The following PRKN variants were observed in gnomAD, a reference collection of about 807,000 sequenced individuals.
PRKN encodes the protein E3 ubiquitin-protein ligase parkin.
In PRKN, 56 loss-of-function variants were observed where a neutral mutation model predicts 59.5. The ratio of observed to expected loss-of-function variants is 0.94; its 90% CI spans 0.76 to 1.18. The LOEUF is 1.18. Among genes scored for constraint, PRKN ranks in the 50% most tolerant of loss-of-function variants. The pLI is 0.00. For synonymous variants in PRKN, 250 were observed against 222.1 expected (o/e 1.13, Z -1.12); for missense variants, 657 against 596.4 (o/e 1.10, Z -1.06).
chr6:162,675,891 A>C (rs1231556200), intron 1 of PRKN, among the ~76,000 whole-genome samples: 1 of 152,210 alleles, frequency 6.6e-6, no homozygotes, highest in Non-Finnish European at 1.5e-5. Flanking sequence ...AAATTCAATA[A>C]TGGAATACTG....
chr6:162,700,970 T>A (rs1253306782), intron 1 of PRKN, among the ~76,000 whole-genome samples: 1 of 152,076 alleles, frequency 6.6e-6, no homozygotes, highest in Non-Finnish European at 1.5e-5. Context: ...ATGTCTTGCC[T>A]CCCCAGATAA....
At chr6:162,346,136 G>A (rs1040546928) in intron 2 of PRKN, among the ~76,000 whole-genome samples, 2 of 152,096 alleles carry the variant, frequency 1.3e-5, no homozygotes, top group Non-Finnish European at 2.9e-5. Flanking sequence ...AAATTACCCA[G>A]GCTGTGGTAT....
intron 5 of PRKN, among the ~76,000 whole-genome samples, chr6:161,988,013 T>C (rs1781497486): frequency 6.6e-6 from 1 of 152,064 alleles, no homozygotes; most frequent in Admixed American, 6.5e-5. Flanking sequence ...GGCTTATCAT[T>C]ATAGAACAAT....
At chr6:162,137,828 G>A (rs923962321) in intron 4 of PRKN, among the ~76,000 whole-genome samples, 2 of 152,140 alleles carry the variant, frequency 1.3e-5, no homozygotes, top group Non-Finnish European at 2.9e-5. Context: ...TCTTCACACT[G>A]TTACAATGGC....
intron 6 of PRKN, among the ~76,000 whole-genome samples, chr6:161,821,719 C>CTTTTTTTTTTT (rs531807176): frequency 5.6e-4 from 36 of 64,704 alleles, no homozygotes; most frequent in Non-Finnish European, 7.1e-4. Flanking sequence ...CACTGGTGTT[C>CTTTTTTTTTTT]TTTTTTTTTT....
intron 6 of PRKN, among the ~76,000 whole-genome samples, chr6:161,917,606 C>G (rs1035376980): frequency 6.6e-6 from 1 of 152,136 alleles, no homozygotes; most frequent in Admixed American, 6.5e-5. Context: ...GTGAATAGAT[C>G]TTTAGACCTC....
At chr6:161,902,556 A>ATCTATTTTTTTTTTTTTTTTTTTTTTTT (rs1382089937) in intron 6 of PRKN, among the ~76,000 whole-genome samples, 4 of 118,202 alleles carry the variant, frequency 3.4e-5, no homozygotes, top group African/African-American at 7.0e-5. Flanking sequence ...CTATTTATTT[A>ATCTATTTTTTTTTTTTTTTTTTTTTTTT]TTTATTTATT....
chr6:162,480,227 G>A (rs1337844137), intron 1 of PRKN, among the ~76,000 whole-genome samples: 1 of 152,130 alleles, frequency 6.6e-6, no homozygotes, highest in Non-Finnish European at 1.5e-5. Context: ...CCACGCACAC[G>A]AGGAACGCAT....
At chr6:161,875,179 A>ATG (rs35912782) in intron 6 of PRKN, among the ~76,000 whole-genome samples, 6,414 of 137,126 alleles carry the variant, frequency 0.047, 279 homozygotes, top group African/African-American at 0.11. Context: ...TATAAAATAT[A>ATG]TGTGTGTGTG....
chr6:162,086,971 T>C (rs1365528911), intron 4 of PRKN, among the ~76,000 whole-genome samples: 2 of 152,182 alleles, frequency 1.3e-5, no homozygotes, highest in South Asian at 2.1e-4. Context: ...AATACAAATA[T>C]GAAAATACAA....
At chr6:161,807,489 T>C (rs1791383674) in intron 6 of PRKN, among the ~76,000 whole-genome samples, 1 of 152,012 alleles carries the variant, frequency 6.6e-6, no homozygotes, top group Non-Finnish European at 1.5e-5. Context: ...ACCAGGCAAC[T>C]AAAAAAACAC....
At chr6:161,612,968 C>T (rs558377309) in intron 7 of PRKN, among the ~76,000 whole-genome samples, 1 of 152,254 alleles carries the variant, frequency 6.6e-6, no homozygotes, top group African/African-American at 2.4e-5. Context: ...GTTTTCATGC[C>T]TGCTAACACA....
At chr6:161,863,666 C>T (rs1224461222) in intron 6 of PRKN, among the ~76,000 whole-genome samples, 3 of 152,128 alleles carry the variant, frequency 2.0e-5, no homozygotes, top group Admixed American at 6.5e-5. Flanking sequence ...AAAATCTCTA[C>T]ACTTCCCGCC....
intron 1 of PRKN, among the ~76,000 whole-genome samples, chr6:162,571,876 A>T (rs189634587): frequency 3.8e-4 from 58 of 152,296 alleles, no homozygotes; most frequent in African/African-American, 1.3e-3. Context: ...TTAAACCACA[A>T]ATGTGAGACT....
intron 1 of PRKN, among the ~76,000 whole-genome samples, chr6:162,677,063 C>CAAA (rs536705591): frequency 4.8e-4 from 43 of 90,300 alleles, no homozygotes; most frequent in African/African-American, 1.7e-3. Context: ...ACATCTCAAT[C>CAAA]AAAAAAAAAA....
chr6:162,498,961 AT>A (rs1403348567), intron 1 of PRKN, among the ~76,000 whole-genome samples: 1 of 152,144 alleles, frequency 6.6e-6, no homozygotes. Flanking sequence ...TCATCCATTT[AT>A]TAAACAAATA....
chr6:162,140,415 G>A (rs1387033893), intron 4 of PRKN, among the ~76,000 whole-genome samples: 1 of 152,186 alleles, frequency 6.6e-6, no homozygotes, highest in East Asian at 1.9e-4. Context: ...TTTGGCTGCA[G>A]AGGTATGCAG....
At chr6:161,746,964 A>G (rs968041315) in intron 7 of PRKN, among the ~76,000 whole-genome samples, 1 of 151,928 alleles carries the variant, frequency 6.6e-6, no homozygotes, top group Non-Finnish European at 1.5e-5. Context: ...ATATAATTAT[A>G]ATTATAAATG....
intron 4 of PRKN, among the ~76,000 whole-genome samples, chr6:162,133,752 T>A (rs1229554863): frequency 1.3e-5 from 2 of 152,140 alleles, no homozygotes; most frequent in Non-Finnish European, 2.9e-5. Flanking sequence ...AAGTGGCCCA[T>A]GTGGCCGGTG....
Sources: allele counts gnomAD v4.1 joint callset (sites outside exome capture counted in the v4.1 genomes callset), GRCh38; gene constraint gnomAD v4.1.1; transcripts MANE v1.5; gene names NCBI Gene and HGNC (gene_info 2026-07-23, HGNC 2026-07-21).